CAMK2B: variants seen among roughly 807,000 people sequenced by gnomAD.
The protein encoded by CAMK2B is calcium/calmodulin-dependent protein kinase type II subunit beta.
Under a neutral mutation model 93.7 loss-of-function variants are expected in CAMK2B, and 27 were observed. The observed-to-expected ratio is 0.29, with a 90% CI of 0.21 to 0.40. CAMK2B has a LOEUF of 0.40. Among genes scored for constraint, CAMK2B ranks in the 10% least tolerant of loss-of-function variants. The pLI, the probability that CAMK2B is intolerant of heterozygous loss-of-function variation, is 1.00. For missense variants in CAMK2B, 568 were observed against 895.8 expected (o/e 0.63, Z 4.67); for synonymous variants, 374 against 358.8 (o/e 1.04, Z -0.48).
At chr7:44,287,853 A>T (rs1487541570) in intron 1 of CAMK2B, among the ~76,000 whole-genome samples, 5 of 152,120 alleles carry the variant, frequency 3.3e-5, no homozygotes, top group Non-Finnish European at 5.9e-5. Flanking sequence ...CACGTTCCTT[A>T]GGTTAGTTTA....
rs2096466975 is a variant in CAMK2B at position 44,225,699 on chromosome 7, C to T, written c.1597+817G>A. The T allele has an allele frequency of 7.8e-7, 1 of 1,283,128 alleles. No individual in the cohort carries two copies. Among genetic ancestry groups the T allele is most frequent in the Admixed American group, 2.3e-5 (1 of 43,470 alleles). The allele number at this position is 1,283,128 out of a possible 1,614,324, so 79.5% of individuals were successfully genotyped here. ...TTCTGCCCTGGCCGCCTGCAGCAGC[C>T]CCCAGGCCCAGCCTGCAGAGGGGAC... On this transcript the variant is annotated intron_variant, in intron 20 of 23. Coordinates refer to ENST00000395749, the MANE Select transcript of CAMK2B (RefSeq NM_001220.5). This position sits in a 1 kb window ranked among gnomAD's most constrained non-coding sequence, Gnocchi z 5.0.
chr7:44,321,297 C>T (rs1047512828), intron 1 of CAMK2B, among the ~76,000 whole-genome samples: 1 of 152,122 alleles, frequency 6.6e-6, no homozygotes, highest in African/African-American at 2.4e-5. Flanking sequence ...GACAGTGATG[C>T]CCCCGCGAGC....
Position 44,262,998 on chromosome 7 carries a change from T to G in CAMK2B, c.220+7A>C. The G allele has an allele frequency of 6.2e-7, 1 of 1,612,522 alleles. No homozygotes were observed. Among genetic ancestry groups the G allele is most frequent in the Middle Eastern group, 1.7e-4 (1 of 6,056 alleles). ...CCCATCCCCGCTCCCTACCCCAGGC[T>G]GCTCACCGATGTTGGAATGCTTCAG... On this transcript the variant is annotated splice_region_variant and intron_variant, in intron 3 of 23. Coordinates refer to ENST00000395749, the MANE Select transcript of CAMK2B (RefSeq NM_001220.5).
intron 13 of CAMK2B, among the ~76,000 whole-genome samples, chr7:44,236,787 C>T (rs532364430): frequency 1.0e-3 from 156 of 152,300 alleles, no homozygotes; most frequent in African/African-American, 3.4e-3. Flanking sequence ...CAGAAACACC[C>T]GCCCAGTGCC....
rs1415068911 is a variant in CAMK2B at position 44,248,226 on chromosome 7, G to T, written c.342-1034C>A. Among the ~76,000 whole-genome samples, 5 of 152,092 alleles carry T rather than the reference G, an allele frequency of 3.3e-5. No individual in the cohort carries two copies. Among genetic ancestry groups the T allele is most frequent in the Non-Finnish European group, 7.4e-5 (5 of 68,006 alleles). ...AACCCTTCCTCTCATAGTCAGGGAG[G>T]GCTGTTGGCAGAAGTCCAGGGCCCT... On this transcript the variant is annotated intron_variant, in intron 5 of 23. Coordinates refer to ENST00000395749, the MANE Select transcript of CAMK2B (RefSeq NM_001220.5). This position sits in a 1 kb window ranked among gnomAD's most constrained non-coding sequence, Gnocchi z 4.1.
intron 13 of CAMK2B, among the ~76,000 whole-genome samples, chr7:44,236,357 T>C (rs2128941612): frequency 6.6e-6 from 1 of 152,338 alleles, no homozygotes; most frequent in Admixed American, 6.5e-5. Flanking sequence ...CAGCCTCCCC[T>C]TCCTCACAGA....
intron 1 of CAMK2B, among the ~76,000 whole-genome samples, chr7:44,300,368 C>T (rs1165366370): frequency 3.9e-5 from 6 of 151,924 alleles, no homozygotes; most frequent in Admixed American, 3.9e-4. Flanking sequence ...TGCTATGGTG[C>T]CCAAGCTGGT....
At position 44,286,227 on chromosome 7, in the gene CAMK2B, T is replaced by A. The variant is rs1024284293; in HGVS notation, c.66-2002A>T. ...AGAGGTAAGAGCTTCCCGAAACCAG[T>A]CCTGAGCTACCATCTGTCACGCTCT... On this transcript the variant is annotated intron_variant, in intron 1 of 23. Coordinates refer to ENST00000395749, the MANE Select transcript of CAMK2B (RefSeq NM_001220.5). The surrounding 1 kb of genome is among the most constrained non-coding windows in gnomAD (Gnocchi z 4.0). Among the ~76,000 whole-genome samples, 17 of 151,982 alleles carry A rather than the reference T, an allele frequency of 1.1e-4. No individual in the cohort carries two copies. The highest frequency in any genetic ancestry group is 2.9e-5 in the Non-Finnish European group (2 of 67,986).
intron 1 of CAMK2B, among the ~76,000 whole-genome samples, chr7:44,298,293 A>G (rs1018640533): frequency 6.6e-6 from 1 of 152,242 alleles, no homozygotes; most frequent in Admixed American, 6.5e-5. Flanking sequence ...TGAAGAAAGG[A>G]CAGTCTTTTC....
chr7:44,314,666 C>T (rs4298415), intron 1 of CAMK2B, among the ~76,000 whole-genome samples: 134,838 of 151,908 alleles, frequency 0.89, 60,190 homozygotes, highest in East Asian at 0.99. Context: ...GAAGACCCAC[C>T]AAAGTATTTT....
At chr7:44,254,734 C>T in intron 4 of CAMK2B, 127 bp from the exon 5 acceptor site, 1 of 462,890 alleles carries the variant, frequency 2.2e-6, no homozygotes, top group Non-Finnish European at 3.8e-6. Flanking sequence ...ACTAATGTCA[C>T]CATCCATCAC....
chr7:44,286,467 C>T lies in CAMK2B; in HGVS notation c.66-2242G>A, dbSNP rs767728806. On this transcript the variant is annotated intron_variant, in intron 1 of 23. Coordinates refer to ENST00000395749, the MANE Select transcript of CAMK2B (RefSeq NM_001220.5). This position sits in a 1 kb window ranked among gnomAD's most constrained non-coding sequence, Gnocchi z 4.0. ...GGCACCGCTGTGTCGAGCCCGTCCC[C>T]GGAGCAGGGAGGAGACCCAAGCGCA... Among the ~76,000 whole-genome samples, 12 of 152,178 alleles carry T rather than the reference C, an allele frequency of 7.9e-5. No homozygotes were observed. The highest frequency in any genetic ancestry group is 1.3e-4 in the Admixed American group (2 of 15,288).
intron 4 of CAMK2B, among the ~76,000 whole-genome samples, chr7:44,255,797 G>A (rs1453383865): frequency 6.6e-6 from 1 of 152,170 alleles, no homozygotes; most frequent in Non-Finnish European, 1.5e-5. Context: ...TCTCAGCACT[G>A]GAGAAAAAGA....
chr7:44,302,940 C>A (rs908149700), intron 1 of CAMK2B, among the ~76,000 whole-genome samples: 1 of 152,044 alleles, frequency 6.6e-6, no homozygotes, highest in African/African-American at 2.4e-5. Flanking sequence ...ATAAAAGATA[C>A]ACTTATTGGA....
intron 3 of CAMK2B, 130 bp downstream of exon 3, chr7:44,262,875 G>A (rs2096891440): frequency 1.3e-6 from 1 of 768,948 alleles, no homozygotes; most frequent in Admixed American, 2.4e-5. Flanking sequence ...GGCTTCTGGT[G>A]GGATATTTCA....
At position 44,225,400 on chromosome 7, in the gene CAMK2B, A is replaced by C. The variant is rs2096462924; in HGVS notation, c.1597+1116T>G. Among the ~76,000 whole-genome samples the C allele has an allele frequency of 6.6e-6, 1 of 151,606 alleles. No homozygotes were observed. Among genetic ancestry groups the C allele is most frequent in the African/African-American group, 2.4e-5 (1 of 41,228 alleles). On this transcript the variant is annotated intron_variant, in intron 20 of 23. Coordinates refer to ENST00000395749, the MANE Select transcript of CAMK2B (RefSeq NM_001220.5). This position sits in a 1 kb window ranked among gnomAD's most constrained non-coding sequence, Gnocchi z 5.0. Reference sequence around the variant, plus strand: ...CCCAGCTGCACGGCGGCCCCTCCCCATGCCTCCCTCCTTGAGTTCTGGTCG... The same window carrying C: ...CCCAGCTGCACGGCGGCCCCTCCCCCTGCCTCCCTCCTTGAGTTCTGGTCG...
In CAMK2B at chr7:44,306,734, G is replaced by C. The variant is rs186426689; in HGVS notation, c.65+18623C>G. On this transcript the variant is annotated intron_variant, in intron 1 of 23. Transcript: ENST00000395749. ...AACCAGTGAGCAGGAGGAGGGTGTG[G>C]GCAGGAGGAGGAGGGTGTGGGCAGG... Among the ~76,000 whole-genome samples the C allele has an allele frequency of 2.9e-4, 42 of 146,718 alleles. No homozygotes were observed. In the East Asian group the frequency reaches 8.7e-3, roughly 30 times the overall value.
At chr7:44,282,540 G>A (rs1412926330) in intron 2 of CAMK2B, among the ~76,000 whole-genome samples, 3 of 152,214 alleles carry the variant, frequency 2.0e-5, no homozygotes, top group African/African-American at 7.2e-5. Flanking sequence ...CCCAGCCCTG[G>A]GCACCGCCAA....
At chr7:44,241,475 G>T (rs2128962942) in intron 11 of CAMK2B, among the ~76,000 whole-genome samples, 1 of 152,322 alleles carries the variant, frequency 6.6e-6, no homozygotes, top group East Asian at 1.9e-4. Flanking sequence ...CTAGGAGGTG[G>T]CACAGACAAC....
Sources: allele counts gnomAD v4.1 joint callset (sites outside exome capture counted in the v4.1 genomes callset), GRCh38; gene constraint gnomAD v4.1.1; non-coding constraint Gnocchi (gnomAD v3.1); transcripts MANE v1.5; gene names NCBI Gene and HGNC (gene_info 2026-07-23, HGNC 2026-07-21).